The following THEMIS variants were observed in gnomAD, a reference collection of about 807,000 sequenced individuals.
THEMIS encodes the protein protein THEMIS.
THEMIS carries 37 observed loss-of-function variants against 52.6 expected under a neutral mutation model. The ratio of observed to expected loss-of-function variants is 0.70; its 90% CI spans 0.54 to 0.93. The LOEUF (loss-of-function observed/expected upper bound fraction) is 0.93. Among genes scored for constraint, THEMIS ranks in the 40% least tolerant of loss-of-function variants. The pLI is 0.00. For missense variants in THEMIS, 808 were observed against 763.1 expected (o/e 1.06, Z -0.69); for synonymous variants, 292 against 272.7 (o/e 1.07, Z -0.70).
intron 4 of THEMIS, among the ~76,000 whole-genome samples, chr6:127,765,318 C>T (rs1198617694): frequency 6.6e-6 from 1 of 151,946 alleles, no homozygotes; most frequent in African/African-American, 2.4e-5. Context: ...ATGAATGTAG[C>T]TGCATGGAAG....
At chr6:127,698,202 G>A in the THEMIS span, among the ~76,000 whole-genome samples, 1 of 152,074 alleles carries the variant, frequency 6.6e-6, no homozygotes, top group Admixed American at 6.6e-5. Context: ...ACAACCTATT[G>A]TGAATAGGCA....
chr6:127,803,699 C>T (rs748358041), intron 4 of THEMIS, among the ~76,000 whole-genome samples: 18 of 152,268 alleles, frequency 1.2e-4, no homozygotes, highest in African/African-American at 3.9e-4. Context: ...GTTGTAATGT[C>T]TCATAGAGAG....
At chr6:127,824,067 G>A (rs948731651) in intron 3 of THEMIS, among the ~76,000 whole-genome samples, 2 of 152,090 alleles carry the variant, frequency 1.3e-5, no homozygotes, top group African/African-American at 2.4e-5. Context: ...GCAAGGTGAA[G>A]CCAGGAGGCT....
At chr6:127,774,266 C>A (rs1290491772) in intron 4 of THEMIS, among the ~76,000 whole-genome samples, 1 of 152,210 alleles carries the variant, frequency 6.6e-6, no homozygotes, top group African/African-American at 2.4e-5. Context: ...AGTGCAGTGG[C>A]GCCATCTCCG....
downstream of THEMIS, among the ~76,000 whole-genome samples, chr6:127,705,226 A>G (rs1773783582): frequency 6.6e-6 from 1 of 152,242 alleles, no homozygotes; most frequent in Non-Finnish European, 1.5e-5. Context: ...TTTATATAGC[A>G]AATTGGTGTT....
chr6:127,852,557 T>A (rs1022605942), intron 2 of THEMIS, among the ~76,000 whole-genome samples: 6 of 151,594 alleles, frequency 4.0e-5, no homozygotes, highest in African/African-American at 1.4e-4. Flanking sequence ...AAATTAGAAA[T>A]CAATAGCAAA....
chr6:127,821,611 T>A (rs554464380), intron 3 of THEMIS, among the ~76,000 whole-genome samples: 13 of 151,714 alleles, frequency 8.6e-5, no homozygotes, highest in African/African-American at 2.9e-4. Context: ...TTTCACTAAG[T>A]TCTTTCAGGG....
At chr6:127,875,631 C>A (rs552530679) in intron 1 of THEMIS, among the ~76,000 whole-genome samples, 1 of 152,148 alleles carries the variant, frequency 6.6e-6, no homozygotes, top group Non-Finnish European at 1.5e-5. Flanking sequence ...ACTAATGTAA[C>A]GGAGGAACTC....
At chr6:127,902,235 G>A (rs1017568831), upstream of THEMIS, among the ~76,000 whole-genome samples, 5 of 150,600 alleles carry the variant, frequency 3.3e-5, no homozygotes, top group Non-Finnish European at 7.4e-5. Flanking sequence ...TGAGGAAGGA[G>A]GATCACTTGA....
intron 5 of THEMIS, among the ~76,000 whole-genome samples, chr6:127,712,300 G>A (rs1369720193): frequency 6.6e-6 from 1 of 151,858 alleles, no homozygotes; most frequent in African/African-American, 2.4e-5. Context: ...CACCCTGCCT[G>A]ATCTAACCCA....
At chr6:127,769,677 C>T (rs1328533117) in intron 4 of THEMIS, among the ~76,000 whole-genome samples, 8 of 152,080 alleles carry the variant, frequency 5.3e-5, no homozygotes, top group Non-Finnish European at 8.8e-5. Flanking sequence ...ATGTGCACAA[C>T]GTGCAGGTTT....
Position 127,813,845 on chromosome 6 carries a change from G to A in THEMIS, c.796C>T (p.Gln266Ter). Residue 266 changes from glutamine to a stop codon, truncating the protein, a stop_gained, in exon 4 of 6, where the codon CAG (glutamine) becomes TAG (stop). Coordinates refer to ENST00000368248, the MANE Select transcript of THEMIS (RefSeq NM_001010923.3). LOFTEE classifies it high-confidence loss of function. ...AAAAGATCTTCTGTTGATAACAGCT[G>A]AAGAAACCAGTTAGCATCGTAAGAA... The part of the protein sequence containing the change: ...TDSYDANWFL[Q>*]LLSTEDLFEM... 6.2e-7 allele frequency: 1 copy of A among 1,613,610 alleles called. No homozygotes were observed. Among genetic ancestry groups the A allele is most frequent in the Non-Finnish European group, 8.5e-7 (1 of 1,179,824 alleles).
chr6:127,806,553 C>T (rs1777714848), intron 4 of THEMIS, among the ~76,000 whole-genome samples: 1 of 152,192 alleles, frequency 6.6e-6, no homozygotes, highest in Middle Eastern at 3.4e-3. Context: ...TAATGAAAAC[C>T]ATGTTCTTTA....
intron 5 of THEMIS, among the ~76,000 whole-genome samples, chr6:127,713,362 C>T (rs1247089983): frequency 6.6e-6 from 1 of 151,704 alleles, no homozygotes; most frequent in African/African-American, 2.4e-5. Flanking sequence ...TGATAGAATC[C>T]ACACATAATC....
intron 1 of THEMIS, among the ~76,000 whole-genome samples, chr6:127,862,605 A>G (rs1244432115): frequency 6.6e-6 from 1 of 151,500 alleles, no homozygotes; most frequent in African/African-American, 2.4e-5. Flanking sequence ...TTTTTAGTAG[A>G]GACAGGGTTT....
intron 1 of THEMIS, among the ~76,000 whole-genome samples, chr6:127,897,601 A>C (rs1781008344): frequency 6.6e-6 from 1 of 151,538 alleles, no homozygotes; most frequent in Non-Finnish European, 1.5e-5. Flanking sequence ...CTACCACTAT[A>C]CTCTTGCCAG....
At chr6:127,851,618 T>C (rs1407122739) in intron 2 of THEMIS, among the ~76,000 whole-genome samples, 1 of 151,786 alleles carries the variant, frequency 6.6e-6, no homozygotes, top group Non-Finnish European at 1.5e-5. Context: ...CATCAGGGCA[T>C]TGCAAATTAA....
At chr6:127,772,536 C>T (rs1201594859) in intron 4 of THEMIS, among the ~76,000 whole-genome samples, 3 of 151,914 alleles carry the variant, frequency 2.0e-5, no homozygotes, top group Non-Finnish European at 4.4e-5. Flanking sequence ...AAAAGCATTT[C>T]CTTTCAAGTT....
At chr6:127,804,877 T>C (rs775923331) in intron 4 of THEMIS, among the ~76,000 whole-genome samples, 1 of 152,158 alleles carries the variant, frequency 6.6e-6, no homozygotes, top group Non-Finnish European at 1.5e-5. Context: ...GGACAAATGG[T>C]ATGTAAAGTT....
Sources: gnomAD v4.1 joint callset for allele counts (sites outside exome capture counted in the v4.1 genomes callset) on GRCh38, gnomAD v4.1.1 for gene constraint, MANE v1.5 for transcripts, NCBI Gene and HGNC (gene_info 2026-07-23, HGNC 2026-07-21) for gene names.